The following TRIM40 variants were observed in gnomAD, a reference collection of about 807,000 sequenced individuals.
The protein encoded by TRIM40 is tripartite motif containing 40.
TRIM40 carries 27 observed loss-of-function variants against 26.1 expected under a neutral mutation model. The observed-to-expected ratio is 1.04, with a 90% CI of 0.76 to 1.43. The LOEUF is 1.43. TRIM40 is among the 40% of genes most tolerant of loss of function. The probability of loss-of-function intolerance (pLI) is 0.00; values close to 1 mark genes in which losing one functional copy is unlikely to be tolerated. For synonymous variants in TRIM40, 114 were observed against 120.0 expected (o/e 0.95, Z 0.33); for missense variants, 289 against 307.9 (o/e 0.94, Z 0.46).
chr6:30,137,032 AG>A lies in TRIM40; in HGVS notation c.-3del, dbSNP rs764875916. 6.2e-7 allele frequency: 1 copy of A among 1,611,304 alleles called. No homozygotes were observed. The highest frequency in any genetic ancestry group is 1.7e-5 in the Admixed American group (1 of 59,984). ...ACAGGAGGCTGACAGGGTAGGAACG[AG>A]GCCATGATCCCTTTGCAGAAGGACA... is the stretch of plus-strand genomic sequence containing the variant. On this transcript the variant is annotated 5_prime_UTR_variant, in exon 2 of 6. Coordinates refer to ENST00000396581, the MANE Select transcript of TRIM40 (RefSeq NM_001286633.2).
intron 4 of TRIM40, 42 bp downstream of exon 4, chr6:30,147,251 C>A (rs770713362): frequency 3.7e-6 from 6 of 1,606,510 alleles, no homozygotes; most frequent in East Asian, 2.2e-5. Context: ...GGATTCTCCC[C>A]GATAGGAGGC....
chr6:30,141,004 G>A (rs374927001), intron 2 of TRIM40, among the ~76,000 whole-genome samples: 15 of 152,220 alleles, frequency 9.9e-5, no homozygotes, highest in South Asian at 2.1e-4. Context: ...CAAGAAAAGC[G>A]GGCACGGTGG....
intron 2 of TRIM40, among the ~76,000 whole-genome samples, chr6:30,144,857 C>G (rs1771555040): frequency 6.6e-6 from 1 of 152,218 alleles, no homozygotes; most frequent in Non-Finnish European, 1.5e-5. Context: ...CTCGCACAAA[C>G]AGTTCCACAC....
rs371545224 is a variant in TRIM40 at position 30,147,469 on chromosome 6, G to A, written c.667-51G>A. The A allele has an allele frequency of 9.4e-5, 151 of 1,613,444 alleles. No individual in the cohort carries two copies. The African/African-American group carries it at 1.8e-3, about 19-fold the overall frequency. ...AGTGAATTGGGAAAGGAATTTGGAG[G>A]TGATAGGAACCTGAGAACCAATTAT... On this transcript the variant is annotated intron_variant, in intron 4 of 5. Coordinates refer to ENST00000396581, the MANE Select transcript of TRIM40 (RefSeq NM_001286633.2).
In TRIM40 at chr6:30,140,929, T is replaced by C. The variant is rs142993345; in HGVS notation, c.345+3548T>C. ...TACGCAGCTGGATCACAAATTTAGA[T>C]CTCCAGAGTCTTATTCCTAGAACCT... On this transcript the variant is annotated intron_variant, in intron 2 of 5. Coordinates refer to ENST00000396581, the MANE Select transcript of TRIM40 (RefSeq NM_001286633.2). Among the ~76,000 whole-genome samples, 879 of 152,050 alleles carry C rather than the reference T, an allele frequency of 5.8e-3. 1 individual carries two copies. Among genetic ancestry groups the C allele is most frequent in the Middle Eastern group, 0.014 (4 of 294 alleles).
At chr6:30,145,241 AAC>A (rs1771577011) in intron 2 of TRIM40, among the ~76,000 whole-genome samples, 1 of 152,194 alleles carries the variant, frequency 6.6e-6, no homozygotes, top group Non-Finnish European at 1.5e-5. Context: ...GATTTAGTGA[AAC>A]ACACACTTTT....
chr6:30,136,964 G>A lies in TRIM40; in HGVS notation c.-73G>A. The stretch of plus-strand genomic sequence containing the variant: ...GCCTTCTTATCTGGGACTGTTGAGG[G>A]CAACAGGCCTTCCGAAGACCAGTGA... On this transcript the variant is annotated 5_prime_UTR_variant, in exon 2 of 6. Transcript: ENST00000396581. 1 of 1,476,006 alleles carries A rather than the reference G, an allele frequency of 6.8e-7. No homozygotes were observed. Among genetic ancestry groups the A allele is most frequent in the Non-Finnish European group, 9.2e-7 (1 of 1,083,392 alleles). The allele number at this position is 1,476,006 out of a possible 1,614,324, so 91.4% of individuals were successfully genotyped here.
intron 3 of TRIM40, among the ~76,000 whole-genome samples, chr6:30,146,384 A>G (rs1225188812): frequency 6.6e-6 from 1 of 152,016 alleles, no homozygotes; most frequent in Non-Finnish European, 1.5e-5. Context: ...ATTACTACAC[A>G]AGCCATAGGC....
chr6:30,139,590 G>A (rs1048904767), intron 2 of TRIM40, among the ~76,000 whole-genome samples: 7 of 151,970 alleles, frequency 4.6e-5, no homozygotes, highest in Non-Finnish European at 7.4e-5. Flanking sequence ...ATCCATCTGC[G>A]CTGGCCTCCC....
In TRIM40 at chr6:30,148,518, G is replaced by T. The variant is rs1330126477; in HGVS notation, c.*706G>T. 2 of 152,280 alleles carry T rather than the reference G, an allele frequency of 1.3e-5. No homozygotes were observed. Among genetic ancestry groups the T allele is most frequent in the Admixed American group, 6.5e-5 (1 of 15,278 alleles). 9.4% of individuals were successfully genotyped at this position (152,280 alleles called of 1,614,324 possible). ...CAGCTTCCAGCCAACAACAAGCAGA[G>T]GCCCTCAGTCTTGTGGCTGCAAGAA... On this transcript the variant is annotated 3_prime_UTR_variant, in exon 6 of 6. Transcript: ENST00000396581.
intron 2 of TRIM40, among the ~76,000 whole-genome samples, chr6:30,142,742 A>G (rs1360490044): frequency 6.6e-6 from 1 of 151,768 alleles, no homozygotes; most frequent in African/African-American, 2.4e-5. Flanking sequence ...CTCCACGTTA[A>G]TTTTCCTTTA....
At chr6:30,142,516 A>AT (rs943887122) in intron 2 of TRIM40, among the ~76,000 whole-genome samples, 1 of 152,082 alleles carries the variant, frequency 6.6e-6, no homozygotes, top group African/African-American at 2.4e-5. Flanking sequence ...TTTAACCTAC[A>AT]TTTTTTTATT....
At chr6:30,145,310 A>C (rs1238149595) in intron 2 of TRIM40, among the ~76,000 whole-genome samples, 1 of 151,958 alleles carries the variant, frequency 6.6e-6, no homozygotes, top group South Asian at 2.1e-4. Flanking sequence ...TTTGTTTTCT[A>C]TTTTATCATT....
chr6:30,145,576 C>T (rs536933257), intron 2 of TRIM40, among the ~76,000 whole-genome samples: 2 of 152,166 alleles, frequency 1.3e-5, no homozygotes, highest in Non-Finnish European at 2.9e-5. Context: ...CCAGTGAGGA[C>T]CAGGCAGCAG....
chr6:30,142,893 GTTA>G lies in TRIM40; in HGVS notation c.346-3099_346-3097del, dbSNP rs756079009. Among the ~76,000 whole-genome samples the G allele has an allele frequency of 1.6e-4, 25 of 151,570 alleles. No individual in the cohort carries two copies. The East Asian group carries it at 2.3e-3, about 14-fold the overall frequency. On this transcript the variant is annotated intron_variant, in intron 2 of 5. Coordinates refer to ENST00000396581, the MANE Select transcript of TRIM40 (RefSeq NM_001286633.2). ...CTCTAGTCCATTGATTATTCTTTCT[GTTA>G]TATAGTTTTGACAACATGTTACTTT...
intron 3 of TRIM40, among the ~76,000 whole-genome samples, chr6:30,146,582 T>G (rs1771671415): frequency 6.6e-6 from 1 of 152,082 alleles, no homozygotes. Context: ...AGCTAATTTT[T>G]TCTATATTTT....
chr6:30,147,534 A>G lies in TRIM40; in HGVS notation c.681A>G (p.Leu227=). 1 of 1,614,204 alleles carries G rather than the reference A, an allele frequency of 6.2e-7. No individual in the cohort carries two copies. The highest frequency in any genetic ancestry group is 8.5e-7 in the Non-Finnish European group (1 of 1,180,044). Residue 227 remains leucine, a synonymous_variant, in exon 5 of 6, where the codon TTA becomes TTG. Transcript: ENST00000396581. The stretch of plus-strand genomic sequence containing the variant: ...CTCTCTCCTAGAATGCTGGTGACTT[A>G]CTGAACAGGTACGAGCTGTCCCTTC... ...DTNTLKNAGD[L]LNRSAPQKLE... is the part of the protein sequence containing the mutation.
intron 5 of TRIM40, 67 bp from the exon 6 acceptor site, chr6:30,147,658 G>A: frequency 6.2e-7 from 1 of 1,603,716 alleles, no homozygotes; most frequent in Non-Finnish European, 8.5e-7. Flanking sequence ...GATGCTACAT[G>A]GCCAATGGAA....
At position 30,146,026 on chromosome 6, in the gene TRIM40, A is replaced by G; in HGVS notation, c.378A>G (p.Arg126=). The G allele has an allele frequency of 6.2e-7, 1 of 1,613,062 alleles. No homozygotes were observed. The highest frequency in any genetic ancestry group is 8.5e-7 in the Non-Finnish European group (1 of 1,180,018). Residue 126 remains arginine (R), a synonymous_variant, in exon 3 of 6, where the codon AGA becomes AGG. Coordinates refer to ENST00000396581, the MANE Select transcript of TRIM40 (RefSeq NM_001286633.2). Reference sequence around the variant, plus strand: ...TCAATCGCCGGAGCAGGAAGCTCAGAAAGGACATTGCAGAACTTCAGCGGC... The same window carrying G: ...TCAATCGCCGGAGCAGGAAGCTCAGGAAGGACATTGCAGAACTTCAGCGGC... ...ERLNRRSRKL[R]KDIAELQRLK... is the part of the protein sequence containing the mutation.
Sources: gnomAD v4.1 joint callset for allele counts (sites outside exome capture counted in the v4.1 genomes callset) on GRCh38, gnomAD v4.1.1 for gene constraint, MANE v1.5 for transcripts, NCBI Gene and HGNC (gene_info 2026-07-23, HGNC 2026-07-21) for gene names.